SLC4A8: variants seen among roughly 807,000 people sequenced by gnomAD.
SLC4A8 encodes solute carrier family 4 member 8.
Under a neutral mutation model 125.0 loss-of-function variants are expected in SLC4A8, and 40 were observed. That is an observed-to-expected ratio of 0.32 (90% CI 0.25 to 0.42). The LOEUF is 0.42. SLC4A8 is among the 10% of genes least tolerant of loss of function. The probability of loss-of-function intolerance (pLI) is 1.00; values close to 1 mark genes in which losing one functional copy is unlikely to be tolerated. For synonymous variants in SLC4A8, 456 were observed against 476.0 expected (o/e 0.96, Z 0.55); for missense variants, 863 against 1,355.1 (o/e 0.64, Z 5.70).
chr12:51,506,515 A>G (rs1938178669), intron 24 of SLC4A8, among the ~76,000 whole-genome samples: 1 of 151,544 alleles, frequency 6.6e-6, no homozygotes, highest in Non-Finnish European at 1.5e-5. Context: ...GCTCACTGTA[A>G]TCTCTGCCAT....
At chr12:51,471,635 G>A (rs1192914520) in intron 14 of SLC4A8, 103 bp downstream of exon 14, 15 of 1,319,506 alleles carry the variant, frequency 1.1e-5, no homozygotes, top group Non-Finnish European at 1.6e-5. Context: ...GTCAAGAAGT[G>A]TCTTGCCCTT....
intron 3 of SLC4A8, 57 bp downstream of exon 3, chr12:51,451,079 A>C: frequency 7.4e-7 from 1 of 1,346,432 alleles, no homozygotes; most frequent in Non-Finnish European, 9.7e-7. Flanking sequence ...GGGGAGGCTG[A>C]GGGGACATGT....
At chr12:51,394,260 C>T (rs890783089) in intron 1 of SLC4A8, among the ~76,000 whole-genome samples, 3 of 152,238 alleles carry the variant, frequency 2.0e-5, no homozygotes, top group Non-Finnish European at 2.9e-5. Context: ...ATTCCGGAAG[C>T]AAATTACTCA....
At chr12:51,434,483 G>C (rs1371719001) in intron 1 of SLC4A8, among the ~76,000 whole-genome samples, 2 of 152,146 alleles carry the variant, frequency 1.3e-5, no homozygotes, top group African/African-American at 4.8e-5. Flanking sequence ...TTTTGCTAAT[G>C]GTTATTGACA....
upstream of SLC4A8, chr12:51,424,793 G>GC (rs2138024320): frequency 6.9e-6 from 4 of 578,380 alleles, no homozygotes; most frequent in South Asian, 8.4e-5. Flanking sequence ...CTGATTGGCT[G>GC]CGCAGGCCTC....
rs1432908792 is a variant in SLC4A8 at position 51,452,486 on chromosome 12, A to G, written c.413+227A>G. ...TGGAGCATGGGATTGGTGAAATAAC[A>G]TGGGATATTCAGGGGGGCCCCTCTC... On this transcript the variant is annotated intron_variant, in intron 4 of 24. Transcript: ENST00000453097. Among the ~76,000 whole-genome samples, 8 of 152,296 alleles carry G rather than the reference A, an allele frequency of 5.3e-5. No individual in the cohort carries two copies. The East Asian group carries it at 1.5e-3, about 29-fold the overall frequency.
upstream of SLC4A8, among the ~76,000 whole-genome samples, chr12:51,419,937 TG>T (rs769497773): frequency 6.6e-6 from 1 of 152,202 alleles, no homozygotes; most frequent in Non-Finnish European, 1.5e-5. Context: ...GACTCTTCCC[TG>T]GGATGTGTAG....
chr12:51,480,210 AT>A, intron 16 of SLC4A8: 1 of 1,235,472 alleles, frequency 8.1e-7, no homozygotes, highest in South Asian at 1.3e-5. Context: ...AAATGCTGGG[AT>A]TACAAGCATG....
At chr12:51,427,803 A>G (rs1003712584) in intron 1 of SLC4A8, among the ~76,000 whole-genome samples, 1 of 152,200 alleles carries the variant, frequency 6.6e-6, no homozygotes, top group African/African-American at 2.4e-5. Flanking sequence ...CTAGCCTTCT[A>G]ACAGTTCCCT....
intron 1 of SLC4A8, among the ~76,000 whole-genome samples, chr12:51,426,985 C>G (rs1949009682): frequency 6.9e-6 from 1 of 145,412 alleles, no homozygotes; most frequent in African/African-American, 2.6e-5. Context: ...GTCGCCCAGG[C>G]TGGAGTGCAG....
Position 51,455,679 on chromosome 12 carries a change from A to G in SLC4A8, c.575-1672A>G, listed in dbSNP as rs545958365. Reference sequence around the variant, plus strand: ...GACAGGTTAAGAAATATTTCTCCAAATCTTTCTCTATTTCAAGTATCCAAG... The same window carrying G: ...GACAGGTTAAGAAATATTTCTCCAAGTCTTTCTCTATTTCAAGTATCCAAG... On this transcript the variant is annotated intron_variant, in intron 5 of 24. Transcript: ENST00000453097. Among the ~76,000 whole-genome samples the G allele has an allele frequency of 4.6e-5, 7 of 152,240 alleles. No homozygotes were observed. In the South Asian group the frequency reaches 1.0e-3, roughly 23 times the overall value.
intron 8 of SLC4A8, among the ~76,000 whole-genome samples, chr12:51,460,744 A>G (rs1200891076): frequency 2.0e-5 from 3 of 152,220 alleles, no homozygotes; most frequent in African/African-American, 7.2e-5. Flanking sequence ...GATGCTGGTG[A>G]TTCAGAGCCC....
chr12:51,478,711 T>C (rs1950932026), intron 16 of SLC4A8, among the ~76,000 whole-genome samples: 2 of 152,216 alleles, frequency 1.3e-5, no homozygotes, highest in Non-Finnish European at 2.9e-5. Context: ...TGAAAGGATT[T>C]TTCCAGAAAC....
At chr12:51,427,031 C>T (rs1362456108) in intron 1 of SLC4A8, among the ~76,000 whole-genome samples, 1 of 151,394 alleles carries the variant, frequency 6.6e-6, no homozygotes, top group Non-Finnish European at 1.5e-5. Context: ...CTCCGTCTCC[C>T]AGGTTCACGC....
intron 1 of SLC4A8, among the ~76,000 whole-genome samples, chr12:51,430,149 C>A (rs1396917825): frequency 6.6e-6 from 1 of 152,076 alleles, no homozygotes. Flanking sequence ...TTGCAGAAAT[C>A]TTCACAATAA....
chr12:51,472,564 A>G (rs919275402), intron 14 of SLC4A8, among the ~76,000 whole-genome samples: 1 of 152,134 alleles, frequency 6.6e-6, no homozygotes, highest in African/African-American at 2.4e-5. Flanking sequence ...ACCTCTTTTT[A>G]TCATTATTTT....
At chr12:51,419,935 C>A (rs1948751527), upstream of SLC4A8, among the ~76,000 whole-genome samples, 1 of 152,194 alleles carries the variant, frequency 6.6e-6, no homozygotes, top group African/African-American at 2.4e-5. Context: ...CAGACTCTTC[C>A]CTGGGATGTG....
At chr12:51,466,688 T>C (rs1158544100) in intron 11 of SLC4A8, among the ~76,000 whole-genome samples, 1 of 152,208 alleles carries the variant, frequency 6.6e-6, no homozygotes, top group Non-Finnish European at 1.5e-5. Flanking sequence ...TCTGATTTTA[T>C]GCATGAATGA....
chr12:51,497,238 G>A (rs1951486652), intron 22 of SLC4A8, 114 bp downstream of exon 22: 1 of 1,092,832 alleles, frequency 9.2e-7, no homozygotes, highest in African/African-American at 1.6e-5. Flanking sequence ...TAGGAGCTGG[G>A]AAGATTACCC....
Sources: allele counts gnomAD v4.1 joint callset (sites outside exome capture counted in the v4.1 genomes callset), GRCh38; gene constraint gnomAD v4.1.1; transcripts MANE v1.5; gene names NCBI Gene and HGNC (gene_info 2026-07-23, HGNC 2026-07-21).